CPNE4: variants seen among roughly 807,000 people sequenced by gnomAD.
The protein encoded by CPNE4 is copine 4, also known as copine-4.
A neutral mutation model predicts 67.9 loss-of-function variants in CPNE4; 25 were observed. The ratio of observed to expected loss-of-function variants is 0.37; its 90% CI spans 0.27 to 0.51. CPNE4 has a LOEUF of 0.51. Among genes scored for constraint, CPNE4 ranks in the 20% least tolerant of loss-of-function variants. The pLI, the probability that CPNE4 is intolerant of heterozygous loss-of-function variation, is 0.93. For synonymous variants in CPNE4, 242 were observed against 244.9 expected (o/e 0.99, Z 0.11); for missense variants, 464 against 690.8 (o/e 0.67, Z 3.68).
intron 2 of CPNE4, among the ~76,000 whole-genome samples, chr3:131,883,429 T>C (rs1334711710): frequency 6.6e-6 from 1 of 152,206 alleles, no homozygotes; most frequent in Non-Finnish European, 1.5e-5. Context: ...TCCATGGCTA[T>C]TACCTGATCC....
At chr3:131,998,405 G>A (rs1273183549) in intron 1 of CPNE4, among the ~76,000 whole-genome samples, 1 of 152,066 alleles carries the variant, frequency 6.6e-6, no homozygotes, top group Non-Finnish European at 1.5e-5. Context: ...CCACTAAACA[G>A]CAGATTAATG....
chr3:131,945,263 C>T (rs560175433), intron 1 of CPNE4, among the ~76,000 whole-genome samples: 1 of 152,278 alleles, frequency 6.6e-6, no homozygotes, highest in East Asian at 1.9e-4. Context: ...TTTGCAAATG[C>T]AGTTCAGAGA....
At chr3:131,739,563 T>C (rs1311135990) in intron 2 of CPNE4, among the ~76,000 whole-genome samples, 1 of 152,206 alleles carries the variant, frequency 6.6e-6, no homozygotes, top group Non-Finnish European at 1.5e-5. Context: ...CTTAAAACAA[T>C]GTGACTATAG....
intron 7 of CPNE4, among the ~76,000 whole-genome samples, chr3:131,609,317 C>T (rs1405240792): frequency 6.6e-6 from 1 of 152,142 alleles, no homozygotes; most frequent in Admixed American, 6.5e-5. Flanking sequence ...AATATTTGTG[C>T]TTTCCAGTGT....
intron 2 of CPNE4, among the ~76,000 whole-genome samples, chr3:131,806,077 G>A (rs1291756345): frequency 6.6e-6 from 1 of 152,194 alleles, no homozygotes; most frequent in Non-Finnish European, 1.5e-5. Context: ...ATACTGTGCA[G>A]CCATATTCAG....
intron 7 of CPNE4, among the ~76,000 whole-genome samples, chr3:131,601,089 G>A (rs919400516): frequency 1.3e-5 from 2 of 151,930 alleles, no homozygotes; most frequent in African/African-American, 4.8e-5. Context: ...CTGGTATGGT[G>A]GAAACAGCAG....
At chr3:131,843,461 G>A (rs548947497) in intron 2 of CPNE4, among the ~76,000 whole-genome samples, 1 of 152,310 alleles carries the variant, frequency 6.6e-6, no homozygotes, top group Non-Finnish European at 1.5e-5. Flanking sequence ...TAGAAAAGAA[G>A]AGCGTTTACA....
intron 9 of CPNE4, among the ~76,000 whole-genome samples, chr3:131,580,388 C>G (rs7651864): frequency 7.6e-6 from 1 of 132,248 alleles, no homozygotes; most frequent in African/African-American, 3.2e-5. Context: ...ACATTGGCCT[C>G]TATACATATA....
At chr3:131,751,766 T>G (rs1016843514) in intron 2 of CPNE4, among the ~76,000 whole-genome samples, 4 of 144,612 alleles carry the variant, frequency 2.8e-5, no homozygotes, top group Admixed American at 1.4e-4. Context: ...GTTTAGCTGT[T>G]TTTTTTTTGT....
chr3:131,883,174 G>T lies in CPNE4; in HGVS notation c.180+22090C>A, dbSNP rs2369226. Among the ~76,000 whole-genome samples, 702 of 152,254 alleles carry T rather than the reference G, an allele frequency of 4.6e-3. 6 individuals are homozygous for T. Among genetic ancestry groups the T allele is most frequent in the African/African-American group, 0.017 (686 of 41,556 alleles). On this transcript the variant is annotated intron_variant, in intron 2 of 15. Coordinates refer to ENST00000429747, the MANE Select transcript of CPNE4 (RefSeq NM_130808.3). ...GACAGTCTGTGACTGAAGTTACACT[G>T]TACCAGTACTCCATATTGTCTCTCA... is the stretch of plus-strand genomic sequence containing the variant.
chr3:131,628,761 T>TA (rs1277915074), intron 7 of CPNE4, among the ~76,000 whole-genome samples: 2 of 152,338 alleles, frequency 1.3e-5, no homozygotes, highest in African/African-American at 4.8e-5. Flanking sequence ...TATCATTTTT[T>TA]ATTGCATCTA....
intron 5 of CPNE4, among the ~76,000 whole-genome samples, chr3:131,692,113 A>C (rs2081048195): frequency 6.6e-6 from 1 of 152,170 alleles, no homozygotes; most frequent in Non-Finnish European, 1.5e-5. Flanking sequence ...AATTTAGCTA[A>C]GTAAGAGGGT....
At chr3:131,768,201 C>T (rs1014512011) in intron 2 of CPNE4, among the ~76,000 whole-genome samples, 1 of 152,052 alleles carries the variant, frequency 6.6e-6, no homozygotes, top group Admixed American at 6.6e-5. Context: ...TAGAGCTGGT[C>T]GTGACTTCTG....
At chr3:131,720,488 G>A (rs562370122) in intron 3 of CPNE4, among the ~76,000 whole-genome samples, 1 of 152,050 alleles carries the variant, frequency 6.6e-6, no homozygotes, top group Non-Finnish European at 1.5e-5. Context: ...GTTTCACCGT[G>A]TTAGCCAGGA....
intron 2 of CPNE4, among the ~76,000 whole-genome samples, chr3:131,885,024 T>C (rs1235626803): frequency 6.6e-6 from 1 of 152,146 alleles, no homozygotes; most frequent in East Asian, 1.9e-4. Context: ...GGAAGCAACT[T>C]TGGAACTGGG....
At chr3:131,668,721 C>A (rs561920045) in intron 7 of CPNE4, among the ~76,000 whole-genome samples, 2 of 152,122 alleles carry the variant, frequency 1.3e-5, no homozygotes, top group Non-Finnish European at 2.9e-5. Context: ...CAACAAGGAA[C>A]GTCTAGACTT....
intron 7 of CPNE4, among the ~76,000 whole-genome samples, chr3:131,633,505 A>G (rs571892841): frequency 6.7e-6 from 1 of 148,250 alleles, no homozygotes; most frequent in Non-Finnish European, 1.5e-5. Flanking sequence ...AAATAAAAAC[A>G]TTGATTTTTT....
intron 4 of CPNE4, among the ~76,000 whole-genome samples, chr3:131,697,626 G>A (rs1285399975): frequency 6.6e-6 from 1 of 152,190 alleles, no homozygotes; most frequent in African/African-American, 2.4e-5. Flanking sequence ...GAACAACTGA[G>A]AGTAGAGATT....
chr3:131,829,827 C>T (rs2085301518), intron 2 of CPNE4, among the ~76,000 whole-genome samples: 1 of 152,184 alleles, frequency 6.6e-6, no homozygotes, highest in Non-Finnish European at 1.5e-5. Context: ...ACTTCATACA[C>T]ATCAGGACTG....
Sources: gnomAD v4.1 joint callset for allele counts (sites outside exome capture counted in the v4.1 genomes callset) on GRCh38, gnomAD v4.1.1 for gene constraint, MANE v1.5 for transcripts, NCBI Gene and HGNC (gene_info 2026-07-23, HGNC 2026-07-21) for gene names.